The following ZSCAN5B variants were observed in gnomAD, a reference collection of about 807,000 sequenced individuals.
The protein encoded by ZSCAN5B is zinc finger and SCAN domain containing 5B.
ZSCAN5B carries 26 observed loss-of-function variants against 25.2 expected under a neutral mutation model. That is an observed-to-expected ratio of 1.03 (90% confidence interval 0.76 to 1.43). ZSCAN5B has a LOEUF of 1.43. Among genes scored for constraint, ZSCAN5B ranks in the 40% most tolerant of loss-of-function variants. ZSCAN5B has a pLI of 0.00. For synonymous variants in ZSCAN5B, 244 were observed against 240.9 expected (o/e 1.01, Z -0.12); for missense variants, 745 against 622.1 (o/e 1.20, Z -2.10).
intron 1 of ZSCAN5B, among the ~76,000 whole-genome samples, chr19:56,196,900 G>A (rs944787808): frequency 3.9e-5 from 6 of 152,166 alleles, no homozygotes; most frequent in Non-Finnish European, 8.8e-5. Flanking sequence ...AGCGGAGATC[G>A]AGGCTGAGGC....
At chr19:56,189,776 A>G in exon 5 of ZSCAN5B, 1 of 1,544,894 alleles carries the variant, frequency 6.5e-7, no homozygotes, top group Non-Finnish European at 8.7e-7. Flanking sequence ...ATTGGAGAAA[A>G]ACCATCATTC....
chr19:56,193,078 C>T (rs752375513), exon 2 of ZSCAN5B: 31 of 1,512,558 alleles, frequency 2.0e-5, no homozygotes, highest in South Asian at 5.1e-5. Flanking sequence ...TTTCAATCAG[C>T]CTCTGAGCAA....
In ZSCAN5B at chr19:56,196,811, G is replaced by C. The variant is rs541988281; in HGVS notation, c.-128+923C>G. ...TCGATACATTTTTTAAAAGCATACAGATATGAGAAAAGGCAGCCTGAAATT... is the reference window on the plus strand; with the variant it reads ...TCGATACATTTTTTAAAAGCATACACATATGAGAAAAGGCAGCCTGAAATT... On this transcript the variant is annotated intron_variant, in intron 1 of 4. Transcript: ENST00000586855. Among the ~76,000 whole-genome samples the C allele has an allele frequency of 4.6e-5, 7 of 152,264 alleles. No homozygotes were observed. The South Asian group carries it at 1.5e-3, about 32-fold the overall frequency.
In ZSCAN5B at chr19:56,191,088, A is replaced by G. The variant is rs1253405951; in HGVS notation, c.589-101T>C. 3.9e-6 allele frequency: 6 copies of G among 1,519,628 alleles called. 1 individual carries two copies. In the South Asian group the frequency reaches 5.9e-5, roughly 15 times the overall value. The allele number at this position is 1,519,628 out of a possible 1,614,324, so 94.1% of individuals were successfully genotyped here. On this transcript the variant is annotated intron_variant, in intron 3 of 4. Coordinates refer to ENST00000586855, the Ensembl canonical transcript of ZSCAN5B. ...ACTGGACACACCAGACTTCCCATGG[A>G]CCACCCCATCACCCCAAGTAAACAT...
exon 5 of ZSCAN5B, chr19:56,190,267 T>C (rs1489390125): frequency 2.5e-6 from 4 of 1,614,222 alleles, no homozygotes; most frequent in Non-Finnish European, 1.7e-6. Context: ...GGCAGGGCCT[T>C]GGCTTCTTGG....
chr19:56,193,720 T>C lies in ZSCAN5B; in HGVS notation c.-127-541A>G, dbSNP rs1325690833. ...GCCCAGGCCTGTAATCCCAGCACTT[T>C]GGGAGGCCGAGGCGGGTGGATCACG... On this transcript the variant is annotated intron_variant, in intron 1 of 4. Transcript: ENST00000586855. 5.3e-5 allele frequency among the ~76,000 whole-genome samples: 8 copies of C among 152,248 alleles called. No homozygotes were observed. The East Asian group carries it at 1.5e-3, about 29-fold the overall frequency.
At chr19:56,189,885 C>G in exon 5 of ZSCAN5B, 1 of 1,613,910 alleles carries the variant, frequency 6.2e-7, no homozygotes, top group Non-Finnish European at 8.5e-7. Context: ...CCCCAGCTGA[C>G]GGAAGGCCTT....
exon 2 of ZSCAN5B, chr19:56,192,966 T>C: frequency 6.2e-7 from 1 of 1,611,926 alleles, no homozygotes. Context: ...GTTGAGTTTC[T>C]GGGGACGCCA....
At chr19:56,196,793 A>AT (rs2032815907) in intron 1 of ZSCAN5B, among the ~76,000 whole-genome samples, 4 of 152,132 alleles carry the variant, frequency 2.6e-5, no homozygotes, top group South Asian at 2.1e-4. Flanking sequence ...AAATCGATAC[A>AT]TTTTTTAAAA....
At chr19:56,191,657 G>A (rs1048157236) in intron 3 of ZSCAN5B, among the ~76,000 whole-genome samples, 193 bp downstream of exon 3, 1 of 114,320 alleles carries the variant, frequency 8.7e-6, no homozygotes, top group Admixed American at 1.4e-4. Flanking sequence ...AAGCTCTCAT[G>A]GTGGAGAGAA....
chr19:56,193,029 T>G (rs770091536), exon 2 of ZSCAN5B: 1 of 1,576,762 alleles, frequency 6.3e-7, no homozygotes, highest in Non-Finnish European at 8.6e-7. Context: ...CCTGACCCCA[T>G]GAGAGTGTCC....
intron 1 of ZSCAN5B, among the ~76,000 whole-genome samples, chr19:56,197,169 T>G (rs1411463367): frequency 6.6e-6 from 1 of 151,900 alleles, no homozygotes. Context: ...TATTACTTTA[T>G]TTTTCTCCTT....
At chr19:56,193,247 C>T in intron 1 of ZSCAN5B, 68 bp from the exon 2 acceptor site, 1 of 633,224 alleles carries the variant, frequency 1.6e-6, no homozygotes, top group Non-Finnish European at 2.6e-6. Context: ...CTTCCAAATC[C>T]CTCATCCCAA....
In ZSCAN5B at chr19:56,192,029, C is replaced by A. The variant is rs754226023; in HGVS notation, c.409G>T (p.Glu137Ter). The change falls in exon 3 of 5, where the codon GAA becomes TAA. Residue 137 changes from glutamate to a stop codon, truncating the protein, a stop_gained. Transcript: ENST00000586855. LOFTEE classifies it high-confidence loss of function. ...ACATCTGAGTTCAGCATAAGATATT[C>A]TTTGCCGAGCAAGTTGACTATAGAC... 5 of 1,613,130 alleles carry A rather than the reference C, an allele frequency of 3.1e-6. 1 individual carries two copies. Among genetic ancestry groups the A allele is most frequent in the East Asian group, 2.2e-5 (1 of 44,874 alleles).
chr19:56,193,948 C>T (rs1187643085), intron 1 of ZSCAN5B, among the ~76,000 whole-genome samples: 3 of 112,106 alleles, frequency 2.7e-5, no homozygotes, highest in Non-Finnish European at 5.6e-5. Context: ...CAGAGTAAGA[C>T]TCCATCTCAA....
At chr19:56,191,297 T>C (rs13343392) in intron 3 of ZSCAN5B, among the ~76,000 whole-genome samples, 1,645 of 152,236 alleles carry the variant, frequency 0.011, 25 homozygotes, top group African/African-American at 0.036. Flanking sequence ...CCTGGCACCA[T>C]TGGCATTGGG....
At position 56,192,800 on chromosome 19, in the gene ZSCAN5B, C is replaced by T. The variant is rs199640897; in HGVS notation, c.253G>A (p.Asp85Asn). 6,516 of 1,612,392 alleles carry T rather than the reference C, an allele frequency of 4.0e-3. 19 individuals carry two copies. The highest frequency in any genetic ancestry group is 5.0e-3 in the Non-Finnish European group (5,927 of 1,178,674). Residue 85 changes from aspartate (D) to asparagine (N), a missense_variant, in exon 2 of 5, where the codon GAC (aspartate) becomes AAC (asparagine). By Grantham distance (23) the Asp-to-Asn change is conservative (BLOSUM62 1). Coordinates refer to ENST00000586855, the Ensembl canonical transcript of ZSCAN5B. Reference sequence around the variant, plus strand: ...ATGAACTGCTCCATCACCAGCATGTCCAGGATCTGCTCTTTGGTGTGGAGG... The same window carrying T: ...ATGAACTGCTCCATCACCAGCATGTTCAGGATCTGCTCTTTGGTGTGGAGG...
chr19:56,191,605 A>C (rs1282981023), intron 3 of ZSCAN5B, among the ~76,000 whole-genome samples: 1 of 152,026 alleles, frequency 6.6e-6, no homozygotes, highest in Non-Finnish European at 1.5e-5. Context: ...CCCTCACTTC[A>C]CTGAGACCAT....
chr19:56,192,566 C>T (rs2032751484), intron 2 of ZSCAN5B, 103 bp downstream of exon 2: 2 of 1,514,478 alleles, frequency 1.3e-6, no homozygotes, highest in Middle Eastern at 2.5e-4. Flanking sequence ...TCTCCTAGGT[C>T]AGGTATTTGC....
Sources: gnomAD v4.1 joint callset for allele counts (sites outside exome capture counted in the v4.1 genomes callset) on GRCh38, gnomAD v4.1.1 for gene constraint, MANE v1.5 for transcripts, NCBI Gene and HGNC (gene_info 2026-07-23, HGNC 2026-07-21) for gene names.